Variants in IPO7 observed in about 807,000 individuals in gnomAD.
IPO7 encodes importin 7.
Under a neutral mutation model 136.4 loss-of-function variants are expected in IPO7, and 13 were observed. That is an observed-to-expected ratio of 0.10 (90% confidence interval 0.06 to 0.15). The LOEUF (loss-of-function observed/expected upper bound fraction) is 0.15. IPO7 is among the 10% of genes least tolerant of loss of function. IPO7 has a pLI of 1.00. For synonymous variants in IPO7, 403 were observed against 404.4 expected (o/e 1.00, Z 0.04); for missense variants, 857 against 1,240.6 (o/e 0.69, Z 4.65).
chr11:9,396,927 G>A (rs1297058775), intron 1 of IPO7, among the ~76,000 whole-genome samples: 1 of 151,756 alleles, frequency 6.6e-6, no homozygotes, highest in African/African-American at 2.4e-5. Context: ...GTTAAATCTG[G>A]GTAACCAGCA....
At chr11:9,407,337 C>T (rs999420004) in intron 2 of IPO7, among the ~76,000 whole-genome samples, 1 of 152,090 alleles carries the variant, frequency 6.6e-6, no homozygotes, top group Admixed American at 6.6e-5. Context: ...GGGTGGATCA[C>T]GAGGTCAGGA....
chr11:9,401,843 G>C (rs1209755823), intron 1 of IPO7, among the ~76,000 whole-genome samples: 1 of 152,142 alleles, frequency 6.6e-6, no homozygotes. Flanking sequence ...AGTTTTCACA[G>C]ACTGAGCACT....
chr11:9,387,611 C>T (rs548865840), intron 1 of IPO7, among the ~76,000 whole-genome samples: 105 of 152,356 alleles, frequency 6.9e-4, no homozygotes, highest in African/African-American at 2.4e-3. Context: ...GCGGACTGAT[C>T]ACTTGAGGTT....
At chr11:9,436,037 A>G (rs575872131) in intron 19 of IPO7, among the ~76,000 whole-genome samples, 22 of 152,338 alleles carry the variant, frequency 1.4e-4, no homozygotes, top group Non-Finnish European at 2.4e-4. Flanking sequence ...ACAAAGACCA[A>G]GATGCCAGAG....
At chr11:9,419,558 AAATATAT>A (rs1397043026) in intron 6 of IPO7, among the ~76,000 whole-genome samples, 2 of 133,724 alleles carry the variant, frequency 1.5e-5, no homozygotes, top group East Asian at 2.1e-4. Context: ...AAAAAAAAAA[AAATATAT>A]ATATATATAT....
rs1854618488 is a variant in IPO7, at chr11:9,390,780, T to A, written c.84+5933T>A. On this transcript the variant is annotated intron_variant, in intron 1 of 24. Transcript: ENST00000379719. ...GCCTGGGCAACATACAAAAAAAATT[T>A]TTTTTTTTAGCCAGAGCCTCGCTCT... Among the ~76,000 whole-genome samples, 6 of 152,278 alleles carry A rather than the reference T, an allele frequency of 3.9e-5. No individual in the cohort carries two copies. The South Asian group carries it at 1.2e-3, about 32-fold the overall frequency.
At position 9,440,497 on chromosome 11, in the gene IPO7, A is replaced by G; in HGVS notation, c.2738A>G (p.Gln913Arg). The G allele has an allele frequency of 6.2e-7, 1 of 1,614,056 alleles. No homozygotes were observed. The highest frequency in any genetic ancestry group is 1.1e-5 in the South Asian group (1 of 91,090). ...SDEDDIDEDG[Q>R]EYLEILAKQA... ...GAAGATGATATTGATGAAGATGGGC[A>G]AGAATATTTGGAGATTCTGGCTAAG... Residue 913 changes from glutamine (Q) to arginine (R), a missense_variant, in exon 23 of 25, where the codon CAA becomes CGA. Around this residue, in one of 11 missense-constraint regions of IPO7, gnomAD observed 119 missense variants for 155.5 expected, o/e 0.77. Coordinates refer to ENST00000379719, the MANE Select transcript of IPO7 (RefSeq NM_006391.3).
At chr11:9,443,572 CAA>C (rs748907964) in intron 24 of IPO7, among the ~76,000 whole-genome samples, 2 of 133,792 alleles carry the variant, frequency 1.5e-5, no homozygotes, top group East Asian at 4.3e-4. Flanking sequence ...GCCTGGGCAA[CAA>C]GAGCGAAACT....
chr11:9,436,327 G>A lies in IPO7; in HGVS notation c.2229G>A (p.Glu743=). 6.2e-7 allele frequency: 1 copy of A among 1,613,958 alleles called. No homozygotes were observed. The highest frequency in any genetic ancestry group is 8.5e-7 in the Non-Finnish European group (1 of 1,179,880). ...AGTGTCATGCAGCAAAATTGTTAGA[G>A]GTCATCATTCTGCAGTGCAAAGGGC... ...DAECHAAKLL[E]VIILQCKGRG... The change falls in exon 20 of 25, where the codon GAG becomes GAA. Residue 743 remains glutamate, a synonymous_variant. Coordinates refer to ENST00000379719, the MANE Select transcript of IPO7 (RefSeq NM_006391.3).
In IPO7 at chr11:9,414,339, T is replaced by G; in HGVS notation, c.564T>G (p.Leu188=). ...LPVLKDRFIQ[L]LSDQSDQSVL... The stretch of plus-strand genomic sequence containing the variant: ...TTCTAAAGGATCGTTTTATCCAGCT[T>G]CTTTCTGACCAGTCTGATCAGTCTG... Residue 188 remains leucine (L), a synonymous_variant, in exon 5 of 25, where the codon CTT becomes CTG. Transcript: ENST00000379719. 1 of 1,612,858 alleles carries G rather than the reference T, an allele frequency of 6.2e-7. No individual in the cohort carries two copies. The highest frequency in any genetic ancestry group is 1.3e-5 in the African/African-American group (1 of 75,022).
intron 20 of IPO7, among the ~76,000 whole-genome samples, 185 bp downstream of exon 20, chr11:9,436,551 G>T (rs1457554858): frequency 6.6e-6 from 1 of 151,996 alleles, no homozygotes; most frequent in Non-Finnish European, 1.5e-5. Flanking sequence ...TAATGTACAG[G>T]AATTGGACTA....
chr11:9,424,572 CA>C lies in IPO7; in HGVS notation c.1142-341del, dbSNP rs1218406382. On this transcript the variant is annotated intron_variant, in intron 10 of 24. Coordinates refer to ENST00000379719, the MANE Select transcript of IPO7 (RefSeq NM_006391.3). ...CAGCCTGACCAATATAGTGAAACCC[CA>C]TCTCTACTAAAAATACAAAAATTAG... Among the ~76,000 whole-genome samples, 20 of 152,210 alleles carry C rather than the reference CA, an allele frequency of 1.3e-4. No individual in the cohort carries two copies. The East Asian group carries it at 3.9e-3, about 29-fold the overall frequency.
chr11:9,395,942 C>T (rs537185171), intron 1 of IPO7, among the ~76,000 whole-genome samples: 7 of 151,644 alleles, frequency 4.6e-5, no homozygotes, highest in African/African-American at 9.7e-5. Context: ...AGGCTGGTCT[C>T]GAACTCCTGA....
intron 19 of IPO7, among the ~76,000 whole-genome samples, chr11:9,435,752 A>G (rs1275020369): frequency 2.0e-5 from 3 of 152,036 alleles, no homozygotes; most frequent in African/African-American, 7.3e-5. Context: ...CTTCAAGTCC[A>G]TGTTCATTTC....
intron 24 of IPO7, 35 bp from the exon 25 acceptor site, chr11:9,445,062 T>C (rs1264976239): frequency 1.5e-6 from 2 of 1,307,144 alleles, no homozygotes; most frequent in East Asian, 4.6e-5. Flanking sequence ...TAGTAGATGA[T>C]TGAATGCCCT....
At chr11:9,391,967 T>C (rs1435213688) in intron 1 of IPO7, among the ~76,000 whole-genome samples, 1 of 151,784 alleles carries the variant, frequency 6.6e-6, no homozygotes, top group Non-Finnish European at 1.5e-5. Context: ...AGGTCTGTCT[T>C]TGTTGCCCAG....
intron 1 of IPO7, among the ~76,000 whole-genome samples, chr11:9,397,395 A>AT (rs1279063864): frequency 2.4e-5 from 3 of 126,310 alleles, no homozygotes; most frequent in African/African-American, 9.0e-5. Flanking sequence ...GTGCCTGTAA[A>AT]TTTTTTTAAA....
intron 12 of IPO7, among the ~76,000 whole-genome samples, chr11:9,426,243 G>T (rs1855205562): frequency 6.6e-6 from 1 of 152,088 alleles, no homozygotes; most frequent in Non-Finnish European, 1.5e-5. Context: ...TTTGTTTATT[G>T]TGGACATTTT....
intron 5 of IPO7, among the ~76,000 whole-genome samples, chr11:9,415,406 A>G (rs182452889): frequency 1.2e-4 from 18 of 152,332 alleles, no homozygotes; most frequent in Admixed American, 1.1e-3. Flanking sequence ...TGCAAAATAT[A>G]CATAGATTGT....
Sources: allele counts gnomAD v4.1 joint callset (sites outside exome capture counted in the v4.1 genomes callset), GRCh38; gene constraint gnomAD v4.1.1; regional missense constraint gnomAD v4.1.1; transcripts MANE v1.5; gene names NCBI Gene and HGNC (gene_info 2026-07-23, HGNC 2026-07-21).